LIN54: variants seen among roughly 807,000 people sequenced by gnomAD.
LIN54 encodes the protein lin-54 DREAM MuvB core complex component.
LIN54 carries 9 observed loss-of-function variants against 78.7 expected under a neutral mutation model. That is an observed-to-expected ratio of 0.11 (90% CI 0.07 to 0.20). The LOEUF (loss-of-function observed/expected upper bound fraction) is 0.20. Ranked by LOEUF, LIN54 falls within the 10% of genes least tolerant of loss-of-function variation. The pLI, the probability that LIN54 is intolerant of heterozygous loss-of-function variation, is 1.00. For missense variants in LIN54, 573 were observed against 889.9 expected (o/e 0.64, Z 4.53); for synonymous variants, 269 against 318.4 (o/e 0.84, Z 1.65).
rs1332950507 is a variant in LIN54 at position 82,947,205 on chromosome 4, A to ATT, written c.952-733_952-732dup. On this transcript the variant is annotated intron_variant, in intron 4 of 12. Transcript: ENST00000340417. ...TTTGTATTCCCTGAGTCAAAAAAAAATTTATATATATATATATATATATAT... is the reference window on the plus strand; with the variant it reads ...TTTGTATTCCCTGAGTCAAAAAAAAATTTTTATATATATATATATATATATAT... Among the ~76,000 whole-genome samples the ATT allele has an allele frequency of 1.2e-4, 9 of 72,592 alleles. No homozygotes were observed. In the South Asian group the frequency reaches 1.6e-3, roughly 13 times the overall value. 47.6% of individuals were successfully genotyped at this position (72,592 alleles called of 152,430 possible). A position where few individuals can be genotyped will look rare whatever the true frequency, so the allele number is the denominator to read the frequency against.
At chr4:83,004,232 C>G (rs1578667718) in intron 1 of LIN54, among the ~76,000 whole-genome samples, 1 of 151,908 alleles carries the variant, frequency 6.6e-6, no homozygotes, top group South Asian at 2.1e-4. Context: ...CCCGTCTCTA[C>G]TAAAAATACC....
chr4:82,977,986 C>T lies in LIN54; in HGVS notation c.808+897G>A, dbSNP rs186287216. ...GAGACTGGAAAAAGACAATCAATGG[C>T]GTTTACAAGAGAGCAATAGGATGGG... is the stretch of plus-strand genomic sequence containing the variant. On this transcript the variant is annotated intron_variant, in intron 3 of 12. Transcript: ENST00000340417. 3.0e-3 allele frequency among the ~76,000 whole-genome samples: 453 copies of T among 152,058 alleles called. 6 individuals are homozygous for T. Among genetic ancestry groups the T allele is most frequent in the Non-Finnish European group, 9.9e-4 (67 of 68,004 alleles).
intron 4 of LIN54, among the ~76,000 whole-genome samples, chr4:82,952,707 C>T (rs151051577): frequency 2.9e-4 from 44 of 152,254 alleles, no homozygotes; most frequent in African/African-American, 9.6e-4. Flanking sequence ...GTGGAAACAA[C>T]TCAAGTGTCC....
rs541383642 is a variant in LIN54 at position 82,992,832 on chromosome 4, T to G, written c.-32-7956A>C. Among the ~76,000 whole-genome samples, 769 of 151,522 alleles carry G rather than the reference T, an allele frequency of 5.1e-3. 6 individuals carry two copies. Among genetic ancestry groups the G allele is most frequent in the Non-Finnish European group, 7.1e-3 (480 of 67,620 alleles). On this transcript the variant is annotated intron_variant, in intron 1 of 12. Transcript: ENST00000340417. ...TCACGAGGTCAGGAGATTGAGACCATCCTGGTTAACACGGTGAAACCCCGT... is the reference window on the plus strand; with the variant it reads ...TCACGAGGTCAGGAGATTGAGACCAGCCTGGTTAACACGGTGAAACCCCGT...
At chr4:82,955,368 A>AT (rs1364452106) in intron 4 of LIN54, among the ~76,000 whole-genome samples, 2 of 147,482 alleles carry the variant, frequency 1.4e-5, no homozygotes, top group South Asian at 2.1e-4. Context: ...CATCTCAAAA[A>AT]AATAACATAA....
intron 11 of LIN54, among the ~76,000 whole-genome samples, chr4:82,933,857 T>C (rs1397264701): frequency 1.3e-5 from 2 of 152,204 alleles, no homozygotes; most frequent in African/African-American, 4.8e-5. Flanking sequence ...TGTCTGAATT[T>C]CATATGCCCA....
chr4:82,980,405 C>T (rs1326386974), intron 2 of LIN54, among the ~76,000 whole-genome samples: 2 of 152,062 alleles, frequency 1.3e-5, no homozygotes, highest in African/African-American at 4.8e-5. Flanking sequence ...AACAGAAATA[C>T]ACCGGAAGTT....
At chr4:82,961,463 T>C (rs1724787091) in intron 4 of LIN54, among the ~76,000 whole-genome samples, 1 of 152,174 alleles carries the variant, frequency 6.6e-6, no homozygotes, top group Non-Finnish European at 1.5e-5. Flanking sequence ...AATGGCTATG[T>C]GACGGTTCAT....
chr4:82,984,551 G>A lies in LIN54; in HGVS notation c.294C>T (p.Gly98=). ...GAGTCTGAGCACCAAGTTTTTGAAG[G>A]CCACTTGGAAAAGCTGGTTTCACTG... ...NTTVKPAFPS[G]LQKLGAQTPV... is the part of the protein sequence containing the mutation. The change falls in exon 2 of 13, where the codon GGC becomes GGT. Residue 98 remains glycine, a synonymous_variant. Transcript: ENST00000340417. 2 of 1,614,156 alleles carry A rather than the reference G, an allele frequency of 1.2e-6. No homozygotes were observed. The highest frequency in any genetic ancestry group is 1.1e-5 in the South Asian group (1 of 91,082).
At chr4:82,980,426 A>G (rs1468402493) in intron 2 of LIN54, among the ~76,000 whole-genome samples, 1 of 152,162 alleles carries the variant, frequency 6.6e-6, no homozygotes, top group African/African-American at 2.4e-5. Flanking sequence ...ATGATAGATC[A>G]CAGAACTAGA....
At chr4:82,993,076 T>C (rs1251302726) in intron 1 of LIN54, among the ~76,000 whole-genome samples, 1 of 150,692 alleles carries the variant, frequency 6.6e-6, no homozygotes, top group African/African-American at 2.4e-5. Context: ...TTGCCTAGGC[T>C]GGTCTCAAAC....
chr4:82,953,172 G>A (rs917738434), intron 4 of LIN54, among the ~76,000 whole-genome samples: 2 of 152,066 alleles, frequency 1.3e-5, no homozygotes, highest in Non-Finnish European at 2.9e-5. Flanking sequence ...AATTTTTATA[G>A]AGATGGGGGT....
At chr4:82,932,921 A>C (rs1722087890) in intron 11 of LIN54, among the ~76,000 whole-genome samples, 1 of 152,128 alleles carries the variant, frequency 6.6e-6, no homozygotes, top group African/African-American at 2.4e-5. Flanking sequence ...AACGAATTTG[A>C]GTATGTTTTT....
rs368665108 is a variant in LIN54 at position 82,995,613 on chromosome 4, T to G, written c.-32-10737A>C. Among the ~76,000 whole-genome samples, 25 of 148,842 alleles carry G rather than the reference T, an allele frequency of 1.7e-4. No homozygotes were observed. The East Asian group carries it at 4.9e-3, about 29-fold the overall frequency. On this transcript the variant is annotated intron_variant, in intron 1 of 12. Transcript: ENST00000340417. Reference sequence around the variant, plus strand: ...AGGGTTCAAGCAATTCTCCTGCCTCTGCCTCCCAAGTAGCTGGGACTACAG... The same window carrying G: ...AGGGTTCAAGCAATTCTCCTGCCTCGGCCTCCCAAGTAGCTGGGACTACAG...
At chr4:83,009,773 T>C (rs989186005) in intron 1 of LIN54, among the ~76,000 whole-genome samples, 12 of 152,184 alleles carry the variant, frequency 7.9e-5, no homozygotes, top group African/African-American at 2.9e-4. Context: ...TTCTTAACAA[T>C]GAAGGTAAAA....
At chr4:82,960,798 A>G (rs1221553642) in intron 4 of LIN54, among the ~76,000 whole-genome samples, 1 of 152,154 alleles carries the variant, frequency 6.6e-6, no homozygotes, top group South Asian at 2.1e-4. Context: ...GGTAGCTCAT[A>G]CATGTAATCC....
At chr4:82,971,536 T>TA (rs1356328892) in intron 3 of LIN54, among the ~76,000 whole-genome samples, 10 of 144,224 alleles carry the variant, frequency 6.9e-5, no homozygotes, top group South Asian at 4.8e-4. Context: ...TAAATTGAAT[T>TA]TAAAAAAAAA....
In LIN54 at chr4:82,926,320, A is replaced by C. The variant is rs1226309981; in HGVS notation, c.*1782T>G. 6.6e-6 allele frequency: 1 copy of C among 152,496 alleles called. No individual in the cohort carries two copies. The highest frequency in any genetic ancestry group is 2.4e-5 in the African/African-American group (1 of 41,418). 9.4% of individuals were successfully genotyped at this position (152,496 alleles called of 1,614,324 possible). On this transcript the variant is annotated 3_prime_UTR_variant, in exon 13 of 13. Transcript: ENST00000340417. The stretch of plus-strand genomic sequence containing the variant: ...ACATTTATACAAATTTTAATTAAAC[A>C]TACTAGATTGAGGTGCTAAGAATGT...
chr4:82,965,045 G>A (rs1179227764), intron 4 of LIN54, among the ~76,000 whole-genome samples: 1 of 151,958 alleles, frequency 6.6e-6, no homozygotes, highest in Admixed American at 6.6e-5. Context: ...TTTTTTTAAA[G>A]AAAAATTTTG....
Sources: gnomAD v4.1 joint callset for allele counts (sites outside exome capture counted in the v4.1 genomes callset) on GRCh38, gnomAD v4.1.1 for gene constraint, MANE v1.5 for transcripts, NCBI Gene and HGNC (gene_info 2026-07-23, HGNC 2026-07-21) for gene names.